Variants in CDC14A observed in about 807,000 individuals in gnomAD.
The protein encoded by CDC14A is cell division cycle 14A.
A neutral mutation model predicts 74.4 loss-of-function variants in CDC14A; 53 were observed. The ratio of observed to expected loss-of-function variants is 0.71; its 90% CI spans 0.57 to 0.89. CDC14A has a LOEUF of 0.89. Among genes scored for constraint, CDC14A ranks in the 40% least tolerant of loss-of-function variants. The pLI, the probability that CDC14A is intolerant of heterozygous loss-of-function variation, is 0.00. For synonymous variants in CDC14A, 247 were observed against 258.4 expected (o/e 0.96, Z 0.43); for missense variants, 646 against 713.7 (o/e 0.91, Z 1.08).
At chr1:100,413,741 G>C (rs1284600251) in intron 4 of CDC14A, among the ~76,000 whole-genome samples, 1 of 152,174 alleles carries the variant, frequency 6.6e-6, no homozygotes, top group African/African-American at 2.4e-5. Context: ...GTGACAGCAA[G>C]AAAATTTCCT....
At chr1:100,423,313 T>G (rs1662581400) in intron 4 of CDC14A, among the ~76,000 whole-genome samples, 2 of 152,142 alleles carry the variant, frequency 1.3e-5, no homozygotes, top group South Asian at 2.1e-4. Context: ...TCCTTCCCCT[T>G]AGCTCTTCCT....
chr1:100,460,240 G>C (rs78206578), intron 8 of CDC14A, among the ~76,000 whole-genome samples: 1,921 of 152,276 alleles, frequency 0.013, 46 homozygotes, highest in African/African-American at 0.044. Context: ...GCCATATTTG[G>C]ACAATTTCTG....
chr1:100,398,642 C>G (rs1257790163), intron 4 of CDC14A, among the ~76,000 whole-genome samples: 1 of 152,134 alleles, frequency 6.6e-6, no homozygotes, highest in Non-Finnish European at 1.5e-5. Context: ...TACATATAAA[C>G]AATGCCTAGC....
At chr1:100,514,753 A>G (rs988663876) in intron 15 of CDC14A, among the ~76,000 whole-genome samples, 1 of 152,228 alleles carries the variant, frequency 6.6e-6, no homozygotes, top group Non-Finnish European at 1.5e-5. Context: ...TCCTTAGCAT[A>G]TAGGAAGTAC....
In CDC14A at chr1:100,462,893, G is replaced by A; in HGVS notation, c.838+12G>A. Reference sequence around the variant, plus strand: ...CGTTCACTGCAAAGGTGTGTGCAAGGCCTCGGTGGTGGTGGCTGTGCTTAT... The same window carrying A: ...CGTTCACTGCAAAGGTGTGTGCAAGACCTCGGTGGTGGTGGCTGTGCTTAT... On this transcript the variant is annotated intron_variant, in intron 9 of 15. Transcript: ENST00000336454. 1 of 1,602,740 alleles carries A rather than the reference G, an allele frequency of 6.2e-7. No homozygotes were observed. The highest frequency in any genetic ancestry group is 2.2e-5 in the East Asian group (1 of 44,782).
upstream of CDC14A, chr1:100,351,784 A>G (rs199528581): frequency 4.5e-4 from 703 of 1,550,490 alleles, 3 homozygotes; most frequent in Admixed American, 2.5e-4. Context: ...CCGTGAGAAC[A>G]AAGTACAAGT....
At chr1:100,456,438 T>C (rs1308502494) in intron 8 of CDC14A, among the ~76,000 whole-genome samples, 104 of 145,104 alleles carry the variant, frequency 7.2e-4, no homozygotes, top group African/African-American at 2.5e-3. Context: ...TCCCCCCCCC[T>C]TTTTTTTTCT....
Position 100,499,030 on chromosome 1 carries a change from T to C in CDC14A, c.1523T>C (p.Phe508Ser), listed in dbSNP as rs1181809852. 6.2e-7 allele frequency: 1 copy of C among 1,613,990 alleles called. No homozygotes were observed. Among genetic ancestry groups the C allele is most frequent in the African/African-American group, 1.3e-5 (1 of 74,886 alleles). ...KKTSSSSKAG[F>S]TASPFTNLLN... ...ACCTCCTCATCCTCTAAGGCAGGCT[T>C]CACAGCCAGCCCGTTTACCAACCTC... The change falls in exon 15 of 16, where the codon TTC becomes TCC. Residue 508 changes from phenylalanine (F) to serine (S), a missense_variant. Coordinates refer to ENST00000336454, the MANE Select transcript of CDC14A (RefSeq NM_003672.4).
intron 4 of CDC14A, among the ~76,000 whole-genome samples, chr1:100,394,999 C>T (rs373258880): frequency 1.3e-5 from 2 of 152,084 alleles, no homozygotes; most frequent in African/African-American, 4.8e-5. Context: ...CCTTTACCTT[C>T]GGAGCAGCCA....
intron 3 of CDC14A, among the ~76,000 whole-genome samples, chr1:100,378,089 G>A (rs1348134563): frequency 2.0e-5 from 3 of 152,176 alleles, no homozygotes; most frequent in Admixed American, 6.5e-5. Context: ...ACAGCCAGGT[G>A]AGATTGATGA....
In CDC14A at chr1:100,361,106, AAAAAAACAACAAAAAAC is replaced by A. The variant is rs1459322107; in HGVS notation, c.140+7264_140+7280del. On this transcript the variant is annotated intron_variant, in intron 2 of 15. Coordinates refer to ENST00000336454, the MANE Select transcript of CDC14A (RefSeq NM_003672.4). ...TCAATACCCCTTTGTGCTTAAAAAAAAAAAAACAACAAAAAACAAAAAACAAAAAAACTAAAAACTAA... is the reference window on the plus strand; with the variant it reads ...TCAATACCCCTTTGTGCTTAAAAAAAAAAAAACAAAAAAACTAAAAACTAA... Among the ~76,000 whole-genome samples, 15 of 152,076 alleles carry A rather than the reference AAAAAAACAACAAAAAAC, an allele frequency of 9.9e-5. 1 individual carries two copies. The highest frequency in any genetic ancestry group is 9.8e-4 in the Admixed American group (15 of 15,268).
At chr1:100,384,382 T>G (rs17122358) in intron 3 of CDC14A, among the ~76,000 whole-genome samples, 2,318 of 152,320 alleles carry the variant, frequency 0.015, 61 homozygotes, top group African/African-American at 0.053. Flanking sequence ...CTATATTTTT[T>G]CCTTGTTAAA....
At chr1:100,412,728 T>TATATATATATATATATATATATAAA (rs1557732405) in intron 4 of CDC14A, among the ~76,000 whole-genome samples, 62 of 98,092 alleles carry the variant, frequency 6.3e-4, no homozygotes, top group Non-Finnish European at 8.4e-4. Flanking sequence ...ATATATTTTA[T>TATATATATATATATATATATATAAA]ATATATATAT....
At chr1:100,405,201 A>G (rs995311707) in intron 4 of CDC14A, among the ~76,000 whole-genome samples, 2 of 152,086 alleles carry the variant, frequency 1.3e-5, no homozygotes, top group Non-Finnish European at 2.9e-5. Flanking sequence ...CCAGCTCTTC[A>G]CTGTCATTTT....
chr1:100,501,576 T>A (rs534025708), intron 15 of CDC14A, among the ~76,000 whole-genome samples: 3 of 152,246 alleles, frequency 2.0e-5, no homozygotes, highest in Non-Finnish European at 4.4e-5. Flanking sequence ...TGCATAATAT[T>A]TGATAATAAA....
At chr1:100,485,396 C>G (rs1258000442) in intron 11 of CDC14A, 10 of 812,112 alleles carry the variant, frequency 1.2e-5, no homozygotes, top group African/African-American at 1.9e-5. Flanking sequence ...AAAAAAGGAC[C>G]TGTTCAAAAT....
At chr1:100,429,337 A>G (rs1010810125) in intron 5 of CDC14A, among the ~76,000 whole-genome samples, 2 of 152,062 alleles carry the variant, frequency 1.3e-5, no homozygotes, top group African/African-American at 4.8e-5. Flanking sequence ...AGAGCATGGC[A>G]TGAAAAATAA....
chr1:100,417,488 GAA>G (rs1034367485), intron 4 of CDC14A, among the ~76,000 whole-genome samples: 13 of 152,216 alleles, frequency 8.5e-5, no homozygotes, highest in Admixed American at 5.2e-4. Context: ...TCCCATGTTG[GAA>G]GTGGCTGAGT....
chr1:100,396,246 G>T (rs1036630923), intron 4 of CDC14A, among the ~76,000 whole-genome samples: 1 of 152,220 alleles, frequency 6.6e-6, no homozygotes, highest in South Asian at 2.1e-4. Context: ...TAGGGCCTAG[G>T]GGGTGGGCGT....
Sources: allele counts gnomAD v4.1 joint callset (sites outside exome capture counted in the v4.1 genomes callset), GRCh38; gene constraint gnomAD v4.1.1; transcripts MANE v1.5; gene names NCBI Gene and HGNC (gene_info 2026-07-23, HGNC 2026-07-21).